Variants in SHC2 observed in about 807,000 individuals in gnomAD.
SHC2 encodes SHC-transforming protein 2.
SHC2 carries 62 observed loss-of-function variants against 60.6 expected under a neutral mutation model. The ratio of observed to expected loss-of-function variants is 1.02; its 90% CI spans 0.83 to 1.26. SHC2 has a LOEUF of 1.26. SHC2 is among the 50% of genes most tolerant of loss of function. The pLI is 0.00. For synonymous variants in SHC2, 375 were observed against 372.4 expected (o/e 1.01, Z -0.08); for missense variants, 873 against 822.2 (o/e 1.06, Z -0.76).
intron 1 of SHC2, among the ~76,000 whole-genome samples, chr19:451,582 T>C (rs1975199193): frequency 6.6e-6 from 1 of 152,108 alleles, no homozygotes; most frequent in Non-Finnish European, 1.5e-5. Flanking sequence ...ATAAGGTAAT[T>C]CTCTTTAACT....
At chr19:431,278 C>T (rs1974583462) in intron 8 of SHC2, among the ~76,000 whole-genome samples, 1 of 151,620 alleles carries the variant, frequency 6.6e-6, no homozygotes, top group Non-Finnish European at 1.5e-5. Context: ...GATGGCGCTT[C>T]ATCGTGAGTG....
chr19:423,170 C>T (rs1260972504), intron 10 of SHC2, among the ~76,000 whole-genome samples: 1 of 124,890 alleles, frequency 8.0e-6, no homozygotes, highest in Non-Finnish European at 1.7e-5. Context: ...CCCTCCAGCT[C>T]CTGGTCCTGG....
chr19:417,645 C>T (rs767674032), intron 12 of SHC2, among the ~76,000 whole-genome samples: 4 of 152,384 alleles, frequency 2.6e-5, no homozygotes, highest in South Asian at 4.1e-4. Flanking sequence ...GGAATCATTA[C>T]TGCCTTCCAG....
At position 441,084 on chromosome 19, in the gene SHC2, C is replaced by T. The variant is rs1363134978; in HGVS notation, c.469-152G>A. On this transcript the variant is annotated intron_variant, in intron 1 of 12. Coordinates refer to ENST00000264554, the MANE Select transcript of SHC2 (RefSeq NM_012435.3). This position sits in a 1 kb window ranked among gnomAD's most constrained non-coding sequence, Gnocchi z 4.9. ...CTCTGGGGCCGTCGTGCCTCCCCCA[C>T]CTCAAGGCCCAGCCTTGACACTGTC... The T allele has an allele frequency of 6.1e-6, 6 of 979,524 alleles. No individual in the cohort carries two copies. The highest frequency in any genetic ancestry group is 7.3e-6 in the Non-Finnish European group (6 of 825,210). 60.7% of individuals were successfully genotyped at this position (979,524 alleles called of 1,614,324 possible). A position where few individuals can be genotyped will look rare whatever the true frequency, so the allele number is the denominator to read the frequency against.
At position 425,107 on chromosome 19, in the gene SHC2, CAG is replaced by C; in HGVS notation, c.1297_1298del (p.Leu433ValfsTer2). 7.1e-7 allele frequency: 1 copy of C among 1,406,146 alleles called. No individual in the cohort carries two copies. Among genetic ancestry groups the C allele is most frequent in the Non-Finnish European group, 9.3e-7 (1 of 1,072,290 alleles). The allele number at this position is 1,406,146 out of a possible 1,614,324, so 87.1% of individuals were successfully genotyped here. A position where few individuals can be genotyped will look rare whatever the true frequency, so the allele number is the denominator to read the frequency against. ...CAGGCTGCCACATACGCATGTCAAACAGATCCTTTTTGGGGCTGTCCTCCGGC... is the reference window on the plus strand; with the variant it reads ...CAGGCTGCCACATACGCATGTCAAACATCCTTTTTGGGGCTGTCCTCCGGC... ...PEPEDSPKKD[L>X]FDMRPFEDAL... On this transcript the variant is annotated frameshift_variant, in exon 10 of 13. Transcript: ENST00000264554. LOFTEE classifies it high-confidence loss of function. The surrounding 1 kb of genome is among the most constrained non-coding windows in gnomAD (Gnocchi z 4.1).
intron 9 of SHC2, among the ~76,000 whole-genome samples, chr19:427,671 C>A (rs1248042036): frequency 2.7e-5 from 2 of 73,276 alleles, no homozygotes; most frequent in Non-Finnish European, 4.9e-5. Context: ...AAGGGGGCGG[C>A]ACAGGGAAGG....
chr19:434,475 C>A (rs1568287212), intron 8 of SHC2, among the ~76,000 whole-genome samples: 3 of 2,860 alleles, frequency 1.0e-3, no homozygotes, highest in Non-Finnish European at 2.2e-3. Flanking sequence ...TGAGTGAGAT[C>A]GTGAGTCTGT....
At chr19:450,607 AG>A (rs2075904621) in intron 1 of SHC2, among the ~76,000 whole-genome samples, 1 of 152,048 alleles carries the variant, frequency 6.6e-6, no homozygotes, top group African/African-American at 2.4e-5. Context: ...CTGTGTCTGG[AG>A]TCTCTCACCG....
rs1000320920 is a variant in SHC2 at position 438,520 on chromosome 19, C to T, written c.720+198G>A. ...GGAGCGCCCCTGTATCAGGACGGCT[C>T]GCCCAGGTGGGAGCCCCTGAGCTGA... On this transcript the variant is annotated intron_variant, in intron 4 of 12. Coordinates refer to ENST00000264554, the MANE Select transcript of SHC2 (RefSeq NM_012435.3). This position sits in a 1 kb window ranked among gnomAD's most constrained non-coding sequence, Gnocchi z 5.0. Among the ~76,000 whole-genome samples the T allele has an allele frequency of 1.3e-5, 2 of 152,200 alleles. No homozygotes were observed. Among genetic ancestry groups the T allele is most frequent in the South Asian group, 2.1e-4 (1 of 4,832 alleles).
chr19:432,228 C>A (rs371424954), intron 8 of SHC2, among the ~76,000 whole-genome samples: 1 of 2,602 alleles, frequency 3.8e-4, no homozygotes, highest in Non-Finnish European at 6.1e-4. Context: ...TAGAGGAGGC[C>A]GGGCAGATAG....
At chr19:455,661 A>G (rs11667579) in intron 1 of SHC2, among the ~76,000 whole-genome samples, 24,034 of 152,104 alleles carry the variant, frequency 0.16, 1,949 homozygotes, top group Middle Eastern at 0.28. Flanking sequence ...GCTCCAAACA[A>G]CGCGAGCTAA....
At chr19:428,883 T>C (rs1974488514) in intron 9 of SHC2, among the ~76,000 whole-genome samples, 1 of 151,644 alleles carries the variant, frequency 6.6e-6, no homozygotes. Context: ...CCTCATACCG[T>C]GTGGATGACG....
chr19:451,471 T>G (rs1975195201), intron 1 of SHC2, among the ~76,000 whole-genome samples: 1 of 152,284 alleles, frequency 6.6e-6, no homozygotes, highest in Non-Finnish European at 1.5e-5. Context: ...TTTGGGCTGC[T>G]GGGAGTTATG....
rs1263539908 is a variant in SHC2, at chr19:446,469, C to T, written c.469-5537G>A. Among the ~76,000 whole-genome samples the T allele has an allele frequency of 6.6e-6, 1 of 152,174 alleles. No homozygotes were observed. The highest frequency in any genetic ancestry group is 6.5e-5 in the Admixed American group (1 of 15,274). On this transcript the variant is annotated intron_variant, in intron 1 of 12. Coordinates refer to ENST00000264554, the MANE Select transcript of SHC2 (RefSeq NM_012435.3). The surrounding 1 kb of genome is among the most constrained non-coding windows in gnomAD (Gnocchi z 5.4). ...GGGATTACAGGCGCCCACTACCACG[C>T]CCGGCTAATTTTTGTATTTTTAGTA...
rs189020264 is a variant in SHC2 at position 440,534 on chromosome 19, C to A, written c.539+328G>T. Among the ~76,000 whole-genome samples the A allele has an allele frequency of 3.9e-5, 6 of 152,188 alleles. No homozygotes were observed. Among genetic ancestry groups the A allele is most frequent in the African/African-American group, 1.4e-4 (6 of 41,446 alleles). ...CACCGTGTGGAAAACAGAGCAGGGA[C>A]ACGGAGACGCCACTGGGCCCCGGTC... is the stretch of plus-strand genomic sequence containing the variant. On this transcript the variant is annotated intron_variant, in intron 2 of 12. Coordinates refer to ENST00000264554, the MANE Select transcript of SHC2 (RefSeq NM_012435.3). The surrounding 1 kb of genome is among the most constrained non-coding windows in gnomAD (Gnocchi z 7.0).
chr19:451,186 A>G (rs1194790588), intron 1 of SHC2, among the ~76,000 whole-genome samples: 6 of 131,350 alleles, frequency 4.6e-5, no homozygotes, highest in Non-Finnish European at 8.0e-5. Flanking sequence ...TGGCCATACC[A>G]TAGCCACGTC....
intron 8 of SHC2, 77 bp from the exon 9 acceptor site, chr19:430,824 C>T (rs1600286713): frequency 7.2e-7 from 1 of 1,396,090 alleles, no homozygotes; most frequent in Non-Finnish European, 1.0e-6. Context: ...GTCTCCCCGC[C>T]CGGCCCTCTT....
At chr19:421,599 G>C (rs759918563) in intron 11 of SHC2, among the ~76,000 whole-genome samples, 8 of 152,126 alleles carry the variant, frequency 5.3e-5, no homozygotes, top group Non-Finnish European at 5.9e-5. Context: ...ATCACCATTT[G>C]TAAGGTGCAT....
At chr19:457,042 C>A (rs1179353862) in intron 1 of SHC2, among the ~76,000 whole-genome samples, 1 of 150,658 alleles carries the variant, frequency 6.6e-6, no homozygotes, top group Non-Finnish European at 1.5e-5. Flanking sequence ...CCGCGTGGGG[C>A]CTTTGCACCT....
Sources: allele counts gnomAD v4.1 joint callset (sites outside exome capture counted in the v4.1 genomes callset), GRCh38; gene constraint gnomAD v4.1.1; non-coding constraint Gnocchi (gnomAD v3.1); transcripts MANE v1.5; gene names NCBI Gene and HGNC (gene_info 2026-07-23, HGNC 2026-07-21).